DCC: variants seen among roughly 807,000 people sequenced by gnomAD.
The protein encoded by DCC is DCC netrin 1 receptor.
DCC carries 58 observed loss-of-function variants against 172.5 expected under a neutral mutation model. The observed-to-expected ratio is 0.34, with a 90% CI of 0.27 to 0.42. DCC has a LOEUF of 0.42. DCC is among the 10% of genes least tolerant of loss of function. The pLI is 1.00. For synonymous variants in DCC, 709 were observed against 644.5 expected (o/e 1.10, Z -1.52); for missense variants, 1,740 against 1,791.0 (o/e 0.97, Z 0.51).
intron 5 of DCC, among the ~76,000 whole-genome samples, chr18:52,975,179 A>G (rs1281204627): frequency 6.6e-6 from 1 of 152,168 alleles, no homozygotes; most frequent in Admixed American, 6.5e-5. Flanking sequence ...ATCTTTTTAC[A>G]GTTCTGCAGG....
At chr18:53,413,616 TGTG>T (rs2145061477) in intron 20 of DCC, among the ~76,000 whole-genome samples, 1 of 152,348 alleles carries the variant, frequency 6.6e-6, no homozygotes, top group Non-Finnish European at 1.5e-5. Flanking sequence ...TATCATTACA[TGTG>T]GTTATTTATC....
At chr18:52,560,071 G>T (rs1178089592) in intron 1 of DCC, among the ~76,000 whole-genome samples, 2 of 152,104 alleles carry the variant, frequency 1.3e-5, no homozygotes, top group South Asian at 4.1e-4. Flanking sequence ...AAATAACAAA[G>T]AAAAAGTTCC....
At chr18:53,320,673 T>C (rs777432132) in intron 13 of DCC, among the ~76,000 whole-genome samples, 6 of 152,162 alleles carry the variant, frequency 3.9e-5, no homozygotes, top group South Asian at 2.1e-4. Context: ...GTTGATGTGG[T>C]TGAATGCTGT....
At chr18:52,568,528 T>C (rs781408101) in intron 1 of DCC, among the ~76,000 whole-genome samples, 3 of 152,210 alleles carry the variant, frequency 2.0e-5, no homozygotes, top group Non-Finnish European at 4.4e-5. Context: ...CAGCATGCAG[T>C]GTGTGCTTCA....
rs544307033 is a variant in DCC, at chr18:52,832,108, G to GGA, written c.413-73934_413-73933dup. Among the ~76,000 whole-genome samples the GGA allele has an allele frequency of 6.6e-4, 101 of 152,222 alleles. 1 individual carries two copies. Among genetic ancestry groups the GGA allele is most frequent in the Non-Finnish European group, 1.2e-3 (79 of 68,024 alleles). ...CCATGCTTGCAGCATGATCATTTCG[G>GGA]GAGGTACTCAAAGCATAGTGTATCC... On this transcript the variant is annotated intron_variant, in intron 2 of 28. Coordinates refer to ENST00000442544, the MANE Select transcript of DCC (RefSeq NM_005215.4).
chr18:53,122,653 G>A (rs1316862978), intron 7 of DCC, among the ~76,000 whole-genome samples: 2 of 152,032 alleles, frequency 1.3e-5, no homozygotes, highest in Non-Finnish European at 2.9e-5. Flanking sequence ...ACTCTTAGCT[G>A]TCAGATTCAA....
intron 5 of DCC, among the ~76,000 whole-genome samples, chr18:53,008,666 A>T (rs575678599): frequency 8.5e-5 from 13 of 152,094 alleles, no homozygotes; most frequent in African/African-American, 3.1e-4. Context: ...TGCCATTATT[A>T]CTCAAAAACT....
At chr18:53,025,310 T>C (rs752929047) in intron 5 of DCC, among the ~76,000 whole-genome samples, 3 of 152,146 alleles carry the variant, frequency 2.0e-5, no homozygotes, top group Non-Finnish European at 4.4e-5. Context: ...ATTTGTGCTA[T>C]CCTTAAGGAA....
intron 1 of DCC, among the ~76,000 whole-genome samples, chr18:52,738,682 A>G (rs1431191995): frequency 6.6e-6 from 1 of 151,272 alleles, no homozygotes; most frequent in African/African-American, 2.4e-5. Flanking sequence ...TAACAAATTC[A>G]CCTTAGCTTA....
chr18:52,492,365 T>G (rs1568195760), intron 1 of DCC, among the ~76,000 whole-genome samples: 1 of 151,912 alleles, frequency 6.6e-6, no homozygotes, highest in Non-Finnish European at 1.5e-5. Flanking sequence ...ATAAGAGTGG[T>G]CAACGAAGGT....
chr18:52,660,322 T>C (rs556414101), intron 1 of DCC, among the ~76,000 whole-genome samples: 1 of 152,192 alleles, frequency 6.6e-6, no homozygotes, highest in African/African-American at 2.4e-5. Context: ...CCTCTTTTCC[T>C]TTTTCTGCAA....
chr18:52,448,103 T>C (rs892067805), intron 1 of DCC, among the ~76,000 whole-genome samples: 1 of 151,282 alleles, frequency 6.6e-6, no homozygotes, highest in Non-Finnish European at 1.5e-5. Flanking sequence ...AGGAGGGGAG[T>C]GGTAGGTGAG....
intron 7 of DCC, among the ~76,000 whole-genome samples, chr18:53,121,467 C>A (rs1037288517): frequency 6.6e-5 from 10 of 151,868 alleles, no homozygotes; most frequent in Admixed American, 2.0e-4. Context: ...CACAAGTGGT[C>A]AGACAACCTC....
chr18:52,711,295 T>G (rs2036287746), intron 1 of DCC, among the ~76,000 whole-genome samples: 1 of 152,124 alleles, frequency 6.6e-6, no homozygotes, highest in Non-Finnish European at 1.5e-5. Context: ...TGGCGCAATC[T>G]TGGCTCACCG....
intron 1 of DCC, among the ~76,000 whole-genome samples, chr18:52,701,730 T>C (rs2036126112): frequency 6.6e-6 from 1 of 152,130 alleles, no homozygotes; most frequent in Admixed American, 6.6e-5. Context: ...CTTTGTCACC[T>C]CTTCCTATCC....
intron 5 of DCC, among the ~76,000 whole-genome samples, chr18:53,018,299 A>G (rs1310198541): frequency 1.3e-5 from 2 of 152,214 alleles, no homozygotes; most frequent in African/African-American, 4.8e-5. Flanking sequence ...GGTGTATGCT[A>G]CAGCGTCAAG....
chr18:52,390,205 C>A (rs1462420974), intron 1 of DCC, among the ~76,000 whole-genome samples: 3 of 152,106 alleles, frequency 2.0e-5, no homozygotes, highest in Non-Finnish European at 2.9e-5. Context: ...ACAAACATTT[C>A]TTCCATGAAT....
chr18:53,517,018 A>G (rs1377037043), intron 27 of DCC, among the ~76,000 whole-genome samples: 2 of 145,730 alleles, frequency 1.4e-5, no homozygotes, highest in Non-Finnish European at 3.0e-5. Flanking sequence ...TTGCGGCATT[A>G]TTCACAATAG....
chr18:52,383,025 T>A (rs747929109), intron 1 of DCC, among the ~76,000 whole-genome samples: 6 of 152,154 alleles, frequency 3.9e-5, no homozygotes, highest in Non-Finnish European at 5.9e-5. Context: ...ATTTATTTAA[T>A]CATTTCTCTA....
Sources: gnomAD v4.1 joint callset for allele counts (sites outside exome capture counted in the v4.1 genomes callset) on GRCh38, gnomAD v4.1.1 for gene constraint, MANE v1.5 for transcripts, NCBI Gene and HGNC (gene_info 2026-07-23, HGNC 2026-07-21) for gene names.